The following NALCN variants were observed in gnomAD, a reference collection of about 807,000 sequenced individuals.
The protein encoded by NALCN is sodium leak channel NALCN.
NALCN carries 111 observed loss-of-function variants against 225.3 expected under a neutral mutation model. That is an observed-to-expected ratio of 0.49 (90% confidence interval 0.42 to 0.58). NALCN has a LOEUF of 0.58. Among genes scored for constraint, NALCN ranks in the 20% least tolerant of loss-of-function variants. The probability of loss-of-function intolerance (pLI) is 0.00; values close to 1 mark genes in which losing one functional copy is unlikely to be tolerated. For synonymous variants in NALCN, 764 were observed against 769.0 expected, an observed-to-expected ratio of 0.99 and a Z score of 0.11; for missense variants, 1,378 against 2,202.4, an observed-to-expected ratio of 0.63 and a Z score of 7.49.
chr13:101,142,702 G>A, intron 17 of NALCN: 1 of 210,326 alleles, frequency 4.8e-6, no homozygotes, highest in East Asian at 1.2e-4. Flanking sequence ...ACATGCTCTC[G>A]TATCCTCTCT....
intron 10 of NALCN, among the ~76,000 whole-genome samples, chr13:101,270,973 G>T (rs1251214958): frequency 6.6e-6 from 1 of 152,142 alleles, no homozygotes; most frequent in African/African-American, 2.4e-5. Flanking sequence ...AAAATGCTTG[G>T]CATAAGTTAG....
At chr13:101,069,985 C>T (rs1475710527) in intron 37 of NALCN, among the ~76,000 whole-genome samples, 1 of 151,378 alleles carries the variant, frequency 6.6e-6, no homozygotes, top group Non-Finnish European at 1.5e-5. Context: ...CAAAGTCATC[C>T]ATAATGGCTG....
intron 2 of NALCN, among the ~76,000 whole-genome samples, chr13:101,397,378 C>A (rs1247333366): frequency 6.7e-6 from 1 of 150,300 alleles, no homozygotes; most frequent in Non-Finnish European, 1.5e-5. Context: ...ACATAATATA[C>A]ATATATCATG....
At chr13:101,254,339 C>G (rs1302442218) in intron 11 of NALCN, among the ~76,000 whole-genome samples, 1 of 129,234 alleles carries the variant, frequency 7.7e-6, no homozygotes, top group Non-Finnish European at 1.6e-5. Context: ...TGCCACTGCA[C>G]TCTAGCCTGA....
intron 39 of NALCN, 130 bp from the exon 40 acceptor site, chr13:101,065,691 G>T: frequency 8.9e-7 from 1 of 1,125,008 alleles, no homozygotes; most frequent in Non-Finnish European, 1.2e-6. Context: ...GAAGAAAGCT[G>T]GTCACCTCCT....
At chr13:101,221,801 A>G (rs1374350797) in intron 13 of NALCN, among the ~76,000 whole-genome samples, 1 of 152,214 alleles carries the variant, frequency 6.6e-6, no homozygotes, top group African/African-American at 2.4e-5. Context: ...TGCTGTTGGC[A>G]TGAAAGCAAG....
intron 14 of NALCN, among the ~76,000 whole-genome samples, chr13:101,186,582 T>G (rs932548813): frequency 6.6e-6 from 1 of 152,172 alleles, no homozygotes; most frequent in Non-Finnish European, 1.5e-5. Context: ...AGTATAGAAG[T>G]GATAATCTTT....
chr13:101,109,141 T>G, intron 20 of NALCN, among the ~76,000 whole-genome samples: 1 of 152,190 alleles, frequency 6.6e-6, no homozygotes, highest in East Asian at 1.9e-4. Context: ...TGAAGGCGCT[T>G]TGAATGAGGG....
At chr13:101,387,038 G>C (rs543800930) in intron 3 of NALCN, among the ~76,000 whole-genome samples, 2,382 of 151,358 alleles carry the variant, frequency 0.016, 27 homozygotes, top group Non-Finnish European at 0.027. Flanking sequence ...TGGCTAACAA[G>C]GTGAAACCCC....
chr13:101,216,796 A>T (rs1303974643), intron 13 of NALCN, among the ~76,000 whole-genome samples: 2 of 152,166 alleles, frequency 1.3e-5, no homozygotes, highest in African/African-American at 4.8e-5. Context: ...GTTAATTTTT[A>T]ATTATGTGTT....
chr13:101,393,996 A>G (rs2047215037), intron 3 of NALCN, among the ~76,000 whole-genome samples: 1 of 152,182 alleles, frequency 6.6e-6, no homozygotes, highest in African/African-American at 2.4e-5. Context: ...AAATATTATT[A>G]TATTTGATAA....
chr13:101,280,564 G>T (rs892238624), intron 10 of NALCN, among the ~76,000 whole-genome samples: 1 of 152,142 alleles, frequency 6.6e-6, no homozygotes, highest in South Asian at 2.1e-4. Context: ...TATTAACAAG[G>T]ATTTAATAGA....
chr13:101,271,968 A>ATT (rs1791799067), intron 10 of NALCN, among the ~76,000 whole-genome samples: 1 of 141,480 alleles, frequency 7.1e-6, no homozygotes, highest in African/African-American at 2.8e-5. Flanking sequence ...GTGCGTGTAG[A>ATT]TATGTGTGTG....
intron 37 of NALCN, among the ~76,000 whole-genome samples, chr13:101,072,516 C>G (rs1461744650): frequency 6.6e-6 from 1 of 152,236 alleles, no homozygotes; most frequent in Non-Finnish European, 1.5e-5. Flanking sequence ...AACTAGCTCT[C>G]TCTTCTATAA....
At chr13:101,200,430 T>C (rs1039789301) in intron 13 of NALCN, among the ~76,000 whole-genome samples, 1 of 152,176 alleles carries the variant, frequency 6.6e-6, no homozygotes, top group African/African-American at 2.4e-5. Flanking sequence ...CCAAAACAGA[T>C]AACATTTTTC....
chr13:101,330,011 C>T (rs1484588423), intron 7 of NALCN, among the ~76,000 whole-genome samples: 1 of 151,068 alleles, frequency 6.6e-6, no homozygotes, highest in African/African-American at 2.4e-5. Context: ...TGCACTCCAG[C>T]CTGGGTGACA....
rs1465603452 is a variant in NALCN at position 101,108,129 on chromosome 13, T to C, written c.2365-340A>G. Among the ~76,000 whole-genome samples, 4 of 149,156 alleles carry C rather than the reference T, an allele frequency of 2.7e-5. No homozygotes were observed. The Admixed American group carries it at 2.7e-4, about 10-fold the overall frequency. On this transcript the variant is annotated intron_variant, in intron 20 of 43. Coordinates refer to ENST00000251127, the MANE Select transcript of NALCN (RefSeq NM_052867.4). ...TAATTATGTATATTTATACTAAAGG[T>C]ATATATTTACATTAAATATGTAATT... is the stretch of plus-strand genomic sequence containing the variant.
At chr13:101,208,341 G>A (rs995556065) in intron 13 of NALCN, among the ~76,000 whole-genome samples, 10 of 152,052 alleles carry the variant, frequency 6.6e-5, no homozygotes, top group East Asian at 5.8e-4. Context: ...CTCCGGACAC[G>A]TCCAAATATC....
intron 15 of NALCN, among the ~76,000 whole-genome samples, chr13:101,145,313 A>G (rs374605916): frequency 6.6e-6 from 1 of 152,378 alleles, no homozygotes; most frequent in South Asian, 2.1e-4. Context: ...AATTAACTAC[A>G]GAATCATACT....
Sources: gnomAD v4.1 joint callset for allele counts (sites outside exome capture counted in the v4.1 genomes callset) on GRCh38, gnomAD v4.1.1 for gene constraint, MANE v1.5 for transcripts, NCBI Gene and HGNC (gene_info 2026-07-23, HGNC 2026-07-21) for gene names.